Variants in SORBS2 observed in about 807,000 individuals in gnomAD.
The protein encoded by SORBS2 is sorbin and SH3 domain-containing protein 2.
SORBS2 carries 46 observed loss-of-function variants against 97.7 expected under a neutral mutation model. The observed-to-expected ratio is 0.47, with a 90% CI of 0.37 to 0.60. SORBS2 has a LOEUF of 0.60. Among genes scored for constraint, SORBS2 ranks in the 20% least tolerant of loss-of-function variants. The pLI is 0.00. For missense variants in SORBS2, 1,316 were observed against 1,282.3 expected (o/e 1.03, Z -0.40); for synonymous variants, 476 against 473.4 (o/e 1.01, Z -0.07).
intron 2 of SORBS2, among the ~76,000 whole-genome samples, chr4:185,725,270 G>A (rs930523780): frequency 6.6e-6 from 1 of 152,174 alleles, no homozygotes; most frequent in Non-Finnish European, 1.5e-5. Context: ...TGCAAAAAGC[G>A]CCAGGCTGCA....
At chr4:185,614,634 C>A in intron 11 of SORBS2, 197 bp downstream of exon 23, 1 of 613,540 alleles carries the variant, frequency 1.6e-6, no homozygotes, top group Non-Finnish European at 2.7e-6. Flanking sequence ...ACGGGGAACT[C>A]CTCTAAAAGG....
At chr4:185,869,010 G>A (rs888471926) in intron 1 of SORBS2, among the ~76,000 whole-genome samples, 2 of 152,160 alleles carry the variant, frequency 1.3e-5, no homozygotes, top group Non-Finnish European at 2.9e-5. Flanking sequence ...ACTTCTGAAC[G>A]CTTGGACTGT....
chr4:185,705,343 C>T (rs758963034), intron 2 of SORBS2, among the ~76,000 whole-genome samples: 23 of 152,006 alleles, frequency 1.5e-4, no homozygotes, highest in Non-Finnish European at 2.1e-4. Context: ...TCTTAGAGAT[C>T]AAGACCATCC....
At position 185,827,953 on chromosome 4, in the gene SORBS2, T is replaced by C. The variant is rs1246863911; in HGVS notation, c.-337-52587A>G. Among the ~76,000 whole-genome samples the C allele has an allele frequency of 8.8e-5, 3 of 34,224 alleles. 1 individual carries two copies. Among genetic ancestry groups the C allele is most frequent in the Non-Finnish European group, 2.4e-4 (3 of 12,670 alleles). 22.5% of individuals were successfully genotyped at this position (34,224 alleles called of 152,430 possible). ...ATCATCACCATCATCATCATCATCA[T>C]CGTCACCATCATCATCATCTCATCA... On this transcript the variant is annotated intron_variant, in intron 1 of 20. Transcript: ENST00000284776.
At position 185,924,122 on chromosome 4, in the gene SORBS2, A is replaced by C. The variant is rs922541546; in HGVS notation, c.-338+32074T>G. On this transcript the variant is annotated intron_variant, in intron 1 of 20. Coordinates refer to the SORBS2 transcript ENST00000284776. The stretch of plus-strand genomic sequence containing the variant: ...GAATGAGTGAAATGAGTACATGAAC[A>C]GGTTGAGTGGTCTGTGAGTGTGAGG... Among the ~76,000 whole-genome samples, 4 of 152,210 alleles carry C rather than the reference A, an allele frequency of 2.6e-5. No homozygotes were observed. In the South Asian group the frequency reaches 6.2e-4, roughly 24 times the overall value.
intron 2 of SORBS2, chr4:185,757,428 C>T: frequency 6.5e-6 from 1 of 152,908 alleles, no homozygotes; most frequent in East Asian, 1.9e-4. Flanking sequence ...TAGTCTTTAC[C>T]TGTACATTTC....
At chr4:185,730,897 G>A (rs2098616050) in intron 2 of SORBS2, among the ~76,000 whole-genome samples, 1 of 152,184 alleles carries the variant, frequency 6.6e-6, no homozygotes, top group African/African-American at 2.4e-5. Flanking sequence ...CTGCAGATCA[G>A]GCTGTACCCA....
chr4:185,591,298 T>G (rs1230446368), intron 13 of SORBS2, among the ~76,000 whole-genome samples: 1 of 152,218 alleles, frequency 6.6e-6, no homozygotes, highest in East Asian at 1.9e-4. Context: ...AACTTCATCC[T>G]TCCAGTAGAC....
rs546489787 is a variant in SORBS2, at chr4:185,624,436, G to A, written c.693C>T (p.Asn231=). The A allele has an allele frequency of 1.9e-6, 3 of 1,613,966 alleles. No individual in the cohort carries two copies. The East Asian group carries it at 6.7e-5, about 36-fold the overall frequency. ...TACAGTAATCTAACTCACTGGAGGG[G>A]TTGCCGTTGAGCCCTGAGTAACTGC... The change falls in exon 7 of 15, where the codon AAC becomes AAT. Residue 231 remains asparagine, a synonymous_variant. Transcript: ENST00000418609.
In SORBS2 at chr4:185,743,941, T is replaced by C. The variant is rs192664350; in HGVS notation, c.-198+31286A>G. ...TATTTTCTTTCCTCCTCCTCCTCTT[T>C]CTCCTCCTCCTTCTTCTCCTTCTCC... On this transcript the variant is annotated intron_variant, in intron 2 of 20. Transcript: ENST00000284776. Among the ~76,000 whole-genome samples, 43 of 138,092 alleles carry C rather than the reference T, an allele frequency of 3.1e-4. 1 individual carries two copies. Among genetic ancestry groups the C allele is most frequent in the Admixed American group, 3.0e-3 (42 of 13,782 alleles). The allele number at this position is 138,092 out of a possible 152,430, so 90.6% of individuals were successfully genotyped here.
chr4:185,813,647 T>C (rs111739929), intron 1 of SORBS2, among the ~76,000 whole-genome samples: 89 of 152,348 alleles, frequency 5.8e-4, no homozygotes, highest in African/African-American at 1.9e-3. Context: ...CTGCAGATGC[T>C]GCTACTATTA....
At chr4:185,917,469 C>A (rs1475220860) in intron 1 of SORBS2, among the ~76,000 whole-genome samples, 4 of 152,284 alleles carry the variant, frequency 2.6e-5, no homozygotes, top group Middle Eastern at 3.4e-3. Context: ...CTCGAGGGAT[C>A]CACCTGCCTC....
chr4:185,820,746 G>A (rs2099196301), intron 1 of SORBS2, among the ~76,000 whole-genome samples: 2 of 152,326 alleles, frequency 1.3e-5, no homozygotes, highest in African/African-American at 2.4e-5. Context: ...GACTTCACAC[G>A]CTGCACATTT....
intron 2 of SORBS2, among the ~76,000 whole-genome samples, chr4:185,708,746 T>G (rs1288901639): frequency 6.6e-6 from 1 of 152,186 alleles, no homozygotes; most frequent in Admixed American, 6.5e-5. Flanking sequence ...CATGTGGTTT[T>G]GATAACCTTC....
chr4:185,900,089 C>G (rs1014175783), intron 1 of SORBS2, among the ~76,000 whole-genome samples: 1 of 152,150 alleles, frequency 6.6e-6, no homozygotes, highest in Non-Finnish European at 1.5e-5. Flanking sequence ...TGAATAGCCA[C>G]TGCACTCCAG....
intron 2 of SORBS2, among the ~76,000 whole-genome samples, chr4:185,724,597 C>T (rs753946688): frequency 2.0e-4 from 31 of 152,072 alleles, no homozygotes; most frequent in Admixed American, 4.6e-4. Flanking sequence ...GTATGGGGGG[C>T]CTCTGCTGTC....
At chr4:185,863,056 A>C (rs62334982) in intron 1 of SORBS2, among the ~76,000 whole-genome samples, 28,556 of 152,186 alleles carry the variant, frequency 0.19, 3,642 homozygotes, top group East Asian at 0.56. Context: ...CACGGAAGGA[A>C]TCTTGAGAAG....
intron 1 of SORBS2, among the ~76,000 whole-genome samples, chr4:185,858,358 T>C (rs2099221857): frequency 6.6e-6 from 1 of 152,236 alleles, no homozygotes; most frequent in South Asian, 2.1e-4. Context: ...AACTGTGAGC[T>C]AAATAAACCT....
chr4:185,723,886 G>C (rs74984681), intron 2 of SORBS2, among the ~76,000 whole-genome samples: 11,076 of 152,206 alleles, frequency 0.073, 523 homozygotes, highest in African/African-American at 0.14. Context: ...CCACGTGGCA[G>C]CTACATATTT....
Sources: allele counts gnomAD v4.1 joint callset (sites outside exome capture counted in the v4.1 genomes callset), GRCh38; gene constraint gnomAD v4.1.1; transcripts MANE v1.5; gene names NCBI Gene and HGNC (gene_info 2026-07-23, HGNC 2026-07-21).